PTPRD: variants seen among roughly 807,000 people sequenced by gnomAD.
PTPRD encodes the protein receptor-type tyrosine-protein phosphatase delta.
PTPRD carries 34 observed loss-of-function variants against 214.5 expected under a neutral mutation model. The observed-to-expected ratio is 0.16, with a 90% CI of 0.12 to 0.21. The LOEUF is 0.21. Ranked by LOEUF, PTPRD falls within the 10% of genes least tolerant of loss-of-function variation. The probability of loss-of-function intolerance (pLI) is 1.00; values close to 1 mark genes in which losing one functional copy is unlikely to be tolerated. For synonymous variants in PTPRD, 1,128 were observed against 845.7 expected (o/e 1.33, Z -5.79); for missense variants, 2,545 against 2,398.7 (o/e 1.06, Z -1.27).
intron 2 of PTPRD, among the ~76,000 whole-genome samples, chr9:10,449,184 C>T (rs1396087286): frequency 2.0e-5 from 3 of 151,972 alleles, no homozygotes; most frequent in Non-Finnish European, 1.5e-5. Flanking sequence ...GGATTGCGGG[C>T]GGGTGCCGCC....
intron 11 of PTPRD, among the ~76,000 whole-genome samples, chr9:8,959,160 T>C (rs936951914): frequency 6.6e-6 from 1 of 152,002 alleles, no homozygotes; most frequent in Non-Finnish European, 1.5e-5. Flanking sequence ...CATTCATTTA[T>C]CAAATATTCA....
chr9:9,097,358 A>G (rs1429447425), intron 10 of PTPRD, among the ~76,000 whole-genome samples: 1 of 151,662 alleles, frequency 6.6e-6, no homozygotes, highest in African/African-American at 2.4e-5. Context: ...TAAGGACTGG[A>G]GGAAGGGTTT....
chr9:9,068,756 C>T (rs772824817), intron 10 of PTPRD, among the ~76,000 whole-genome samples: 83 of 152,130 alleles, frequency 5.5e-4, no homozygotes, highest in Middle Eastern at 3.4e-3. Context: ...GGATTACAGG[C>T]GCGTGTCACC....
At chr9:8,704,724 G>A (rs576390247) in intron 12 of PTPRD, among the ~76,000 whole-genome samples, 4 of 150,392 alleles carry the variant, frequency 2.7e-5, no homozygotes, top group Admixed American at 2.0e-4. Context: ...GTCAGGAGTC[G>A]AAGACCAGTC....
chr9:8,866,863 A>C (rs1279977928), intron 11 of PTPRD, among the ~76,000 whole-genome samples: 1 of 152,172 alleles, frequency 6.6e-6, no homozygotes, highest in African/African-American at 2.4e-5. Context: ...TCTTGTACTG[A>C]ATATTCTACT....
intron 11 of PTPRD, among the ~76,000 whole-genome samples, chr9:9,015,506 C>G (rs1379809399): frequency 2.6e-5 from 4 of 152,154 alleles, no homozygotes; most frequent in Admixed American, 6.6e-5. Flanking sequence ...TTTAGCATAT[C>G]ATCAAGAAAT....
chr9:10,251,638 A>G (rs2092779685), intron 3 of PTPRD, among the ~76,000 whole-genome samples: 1 of 152,212 alleles, frequency 6.6e-6, no homozygotes, highest in South Asian at 2.1e-4. Flanking sequence ...GCAACCACCC[A>G]ATAAAAGTTA....
chr9:8,613,458 AT>A (rs991893200), intron 14 of PTPRD, among the ~76,000 whole-genome samples: 21 of 152,122 alleles, frequency 1.4e-4, no homozygotes, highest in African/African-American at 4.6e-4. Flanking sequence ...CTACTGACTT[AT>A]TTTTTTTAAA....
rs556195634 is a variant in PTPRD at position 9,520,914 on chromosome 9, T to C, written c.-237+53818A>G. ...CTTTAAATCCTTCAGCCAGTTTTTCTTAGTTCCAGACCAACTGCACCAGAA... is the reference window on the plus strand; with the variant it reads ...CTTTAAATCCTTCAGCCAGTTTTTCCTAGTTCCAGACCAACTGCACCAGAA... On this transcript the variant is annotated intron_variant, in intron 8 of 45. Coordinates refer to ENST00000381196, the MANE Select transcript of PTPRD (RefSeq NM_002839.4). 2.0e-5 allele frequency among the ~76,000 whole-genome samples: 3 copies of C among 152,290 alleles called. No individual in the cohort carries two copies. In the South Asian group the frequency reaches 6.2e-4, roughly 32 times the overall value.
intron 14 of PTPRD, among the ~76,000 whole-genome samples, chr9:8,578,118 T>A (rs2092663137): frequency 6.6e-6 from 1 of 152,242 alleles, no homozygotes; most frequent in Non-Finnish European, 1.5e-5. Flanking sequence ...GCTATCGGTC[T>A]GTACATAGGA....
intron 2 of PTPRD, among the ~76,000 whole-genome samples, chr9:10,564,740 C>A (rs1477117940): frequency 6.6e-6 from 1 of 152,180 alleles, no homozygotes; most frequent in Non-Finnish European, 1.5e-5. Flanking sequence ...ACTCTTATGA[C>A]TAATTTACTG....
At chr9:9,801,479 C>T (rs2099039708) in intron 5 of PTPRD, among the ~76,000 whole-genome samples, 1 of 152,042 alleles carries the variant, frequency 6.6e-6, no homozygotes, top group Non-Finnish European at 1.5e-5. Flanking sequence ...CACTGAGGCT[C>T]TTATTACACC....
chr9:9,139,068 T>C (rs1057137790), intron 10 of PTPRD, among the ~76,000 whole-genome samples: 5 of 152,070 alleles, frequency 3.3e-5, no homozygotes, highest in Non-Finnish European at 7.4e-5. Context: ...TTGGGTATCA[T>C]CTATTCTTAC....
At chr9:8,505,624 C>CAAAAAA (rs954059567) in intron 22 of PTPRD, among the ~76,000 whole-genome samples, 24 of 55,464 alleles carry the variant, frequency 4.3e-4, no homozygotes, top group East Asian at 1.1e-3. Context: ...GACTCTGTCT[C>CAAAAAA]AAAAAAAAAA....
chr9:9,122,046 C>T (rs762788460), intron 10 of PTPRD, among the ~76,000 whole-genome samples: 1 of 152,062 alleles, frequency 6.6e-6, no homozygotes, highest in Non-Finnish European at 1.5e-5. Context: ...TCTACTCCAC[C>T]CATAAAAGGT....
At chr9:10,147,785 C>A (rs2099033687) in intron 3 of PTPRD, among the ~76,000 whole-genome samples, 1 of 152,122 alleles carries the variant, frequency 6.6e-6, no homozygotes, top group South Asian at 2.1e-4. Flanking sequence ...GAGGCTCAGG[C>A]AAGAGAATTG....
intron 11 of PTPRD, among the ~76,000 whole-genome samples, chr9:8,907,315 C>T (rs1043393745): frequency 6.6e-6 from 1 of 151,762 alleles, no homozygotes; most frequent in Non-Finnish European, 1.5e-5. Flanking sequence ...GGAAAAATAG[C>T]TATCATTATA....
chr9:9,637,967 C>G (rs2095824912), intron 7 of PTPRD, among the ~76,000 whole-genome samples: 1 of 152,170 alleles, frequency 6.6e-6, no homozygotes, highest in Non-Finnish European at 1.5e-5. Context: ...GGTTACAGCT[C>G]ATGCCTTAGG....
chr9:8,612,026 C>T (rs183299854), intron 14 of PTPRD, among the ~76,000 whole-genome samples: 195 of 150,474 alleles, frequency 1.3e-3, no homozygotes, highest in African/African-American at 4.6e-3. Flanking sequence ...GCAGGAATAG[C>T]ATTCATTATA....
Sources: gnomAD v4.1 joint callset for allele counts (sites outside exome capture counted in the v4.1 genomes callset) on GRCh38, gnomAD v4.1.1 for gene constraint, MANE v1.5 for transcripts, NCBI Gene and HGNC (gene_info 2026-07-23, HGNC 2026-07-21) for gene names.